Variants in P3H2 observed in about 807,000 individuals in gnomAD.
P3H2 encodes leprecan-like 1.
In P3H2, 80 loss-of-function variants were observed where a neutral mutation model predicts 87.0. The ratio of observed to expected loss-of-function variants is 0.92; its 90% CI spans 0.77 to 1.11. P3H2 has a LOEUF of 1.11. Ranked by LOEUF, P3H2 falls within the 50% of genes least tolerant of loss-of-function variation. The pLI, the probability that P3H2 is intolerant of heterozygous loss-of-function variation, is 0.00. For synonymous variants in P3H2, 367 were observed against 359.3 expected (o/e 1.02, Z -0.24); for missense variants, 1,001 against 923.9 (o/e 1.08, Z -1.08).
At chr3:190,069,043 G>A (rs1290639009) in intron 1 of P3H2, among the ~76,000 whole-genome samples, 3 of 152,010 alleles carry the variant, frequency 2.0e-5, no homozygotes, top group Admixed American at 6.6e-5. Flanking sequence ...TTTCACAGGC[G>A]GCACCTTAGC....
chr3:189,963,156 G>A (rs837682), intron 14 of P3H2, among the ~76,000 whole-genome samples: 4 of 152,100 alleles, frequency 2.6e-5, no homozygotes, highest in East Asian at 3.9e-4. Context: ...AATTCATACC[G>A]CTGCAGCTCC....
At position 190,101,106 on chromosome 3, in the gene P3H2, G is replaced by A. The variant is rs571182561; in HGVS notation, c.480+19146C>T. On this transcript the variant is annotated intron_variant, in intron 1 of 14. Coordinates refer to ENST00000319332, the MANE Select transcript of P3H2 (RefSeq NM_018192.4). ...GGCAAACTTAATAGAAAAATGTTGT[G>A]TGTGTTCTGATGGCTTCATCAACTC... Among the ~76,000 whole-genome samples, 3 of 151,988 alleles carry A rather than the reference G, an allele frequency of 2.0e-5. No individual in the cohort carries two copies. The East Asian group carries it at 5.8e-4, about 29-fold the overall frequency.
At position 189,988,672 on chromosome 3, in the gene P3H2, G is replaced by A. The variant is rs1169315432; in HGVS notation, c.955+235C>T. ...TTAAGTCTAAAAAACCATGCAAAAT[G>A]TCAATCTAGTATAATTTTCAGTAAA... On this transcript the variant is annotated intron_variant, in intron 4 of 14. Coordinates refer to ENST00000319332, the MANE Select transcript of P3H2 (RefSeq NM_018192.4). 2.0e-5 allele frequency among the ~76,000 whole-genome samples: 3 copies of A among 152,128 alleles called. No individual in the cohort carries two copies. The East Asian group carries it at 5.8e-4, about 29-fold the overall frequency.
At chr3:190,069,863 G>A (rs985732918) in intron 1 of P3H2, among the ~76,000 whole-genome samples, 1 of 152,108 alleles carries the variant, frequency 6.6e-6, no homozygotes, top group African/African-American at 2.4e-5. Flanking sequence ...TCAGAGCAGT[G>A]GTGTAGATGG....
chr3:189,990,174 G>C (rs1285319777), intron 3 of P3H2, among the ~76,000 whole-genome samples: 1 of 152,054 alleles, frequency 6.6e-6, no homozygotes, highest in African/African-American at 2.4e-5. Context: ...TGGTGTGGGG[G>C]AATGTGCCAG....
intron 1 of P3H2, among the ~76,000 whole-genome samples, chr3:190,091,453 C>T (rs1054920007): frequency 6.6e-6 from 1 of 152,208 alleles, no homozygotes. Context: ...TAGGATGCCC[C>T]TATTTCCCAT....
Position 189,969,277 on chromosome 3 carries a change from G to T in P3H2, c.1893+1539C>A, listed in dbSNP as rs1723099686. 20 of 874,862 alleles carry T rather than the reference G, an allele frequency of 2.3e-5. No individual in the cohort carries two copies. The South Asian group carries it at 2.6e-4, about 11-fold the overall frequency. The allele number at this position is 874,862 out of a possible 1,614,324, so 54.2% of individuals were successfully genotyped here. The stretch of plus-strand genomic sequence containing the variant: ...AGTGAGAACCACCTCTGGAACTGTG[G>T]TCATGTTGATAACATCCACCCCCCA... On this transcript the variant is annotated intron_variant, in intron 13 of 14. Transcript: ENST00000319332.
In P3H2 at chr3:189,964,086, G is replaced by A. The variant is rs780622871; in HGVS notation, c.1906C>T (p.Pro636Ser). The change falls in exon 14 of 15, where the codon CCA becomes TCA. Residue 636 changes from proline (P) to serine (S), a missense_variant. Transcript: ENST00000319332. The stretch of plus-strand genomic sequence containing the variant: ...AAGCTGATCATGCGCCCACATTTTG[G>A]TTTTATAGAGGCCTGAGAAAGAAAG... ...DAKTVTASIK[P>S]KCGRMISFSS... The A allele has an allele frequency of 9.2e-5, 148 of 1,613,980 alleles. No homozygotes were observed. Among genetic ancestry groups the A allele is most frequent in the Non-Finnish European group, 1.2e-4 (139 of 1,180,006 alleles).
rs73890152 is a variant in P3H2, at chr3:190,008,352, C to A, written c.481-12910G>T. On this transcript the variant is annotated intron_variant, in intron 1 of 14. Transcript: ENST00000319332. ...AATGTATCTCTCCAAAAGTCGGTGG[C>A]AGACATCAGTTTCTCCATGCCACCC... 1.3e-3 allele frequency among the ~76,000 whole-genome samples: 201 copies of A among 152,190 alleles called. 1 individual carries two copies. Among genetic ancestry groups the A allele is most frequent in the African/African-American group, 4.7e-3 (195 of 41,510 alleles).
At chr3:189,981,263 C>A (rs1242792570) in intron 8 of P3H2, among the ~76,000 whole-genome samples, 5 of 152,182 alleles carry the variant, frequency 3.3e-5, no homozygotes, top group Non-Finnish European at 5.9e-5. Flanking sequence ...GTATAGGTAA[C>A]AACTTATACT....
At chr3:190,106,319 A>G (rs1247741472) in intron 1 of P3H2, among the ~76,000 whole-genome samples, 1 of 152,146 alleles carries the variant, frequency 6.6e-6, no homozygotes, top group Non-Finnish European at 1.5e-5. Context: ...TTGATGGTGG[A>G]GAGGCAGGTA....
At chr3:190,120,184 C>A in intron 1 of P3H2, 68 bp downstream of exon 1, 1 of 1,548,382 alleles carries the variant, frequency 6.5e-7, no homozygotes, top group Non-Finnish European at 8.8e-7. Flanking sequence ...ACGGGGGCAG[C>A]AGGGAGGGCT....
At chr3:190,027,271 A>C (rs1203458111) in intron 1 of P3H2, among the ~76,000 whole-genome samples, 1 of 152,236 alleles carries the variant, frequency 6.6e-6, no homozygotes, top group Non-Finnish European at 1.5e-5. Context: ...ACCACCCAAC[A>C]GATAATACTA....
chr3:190,058,252 T>C (rs757391001), intron 1 of P3H2, among the ~76,000 whole-genome samples: 25 of 152,172 alleles, frequency 1.6e-4, no homozygotes, highest in Non-Finnish European at 3.2e-4. Flanking sequence ...TAGTTCTTTT[T>C]CAGTAAGATG....
chr3:189,962,217 A>G (rs1204402925), intron 14 of P3H2, among the ~76,000 whole-genome samples: 1 of 123,524 alleles, frequency 8.1e-6, no homozygotes, highest in Non-Finnish European at 1.6e-5. Flanking sequence ...CGCCCAGGTT[A>G]CAGTGTGGTG....
chr3:189,969,702 C>G, intron 13 of P3H2: 1 of 1,398,190 alleles, frequency 7.2e-7, no homozygotes, highest in South Asian at 1.2e-5. Flanking sequence ...AGGACACAAT[C>G]AACATTTTTT....
chr3:189,984,487 A>G (rs1431746107), intron 7 of P3H2, 63 bp downstream of exon 7: 9 of 1,153,560 alleles, frequency 7.8e-6, no homozygotes, highest in Non-Finnish European at 1.2e-5. Context: ...TTTCTCTATG[A>G]TAGGTTATGA....
chr3:190,112,949 G>C (rs371812888), intron 1 of P3H2, among the ~76,000 whole-genome samples: 91 of 152,210 alleles, frequency 6.0e-4, no homozygotes, highest in African/African-American at 1.9e-3. Flanking sequence ...AAGACAGGAG[G>C]AATTATTTTT....
rs747116644 is a variant in P3H2, at chr3:189,957,862, A to G, written c.*50T>C. 1 of 1,308,986 alleles carries G rather than the reference A, an allele frequency of 7.6e-7. No homozygotes were observed. The highest frequency in any genetic ancestry group is 1.1e-6 in the Non-Finnish European group (1 of 906,558). The allele number at this position is 1,308,986 out of a possible 1,614,324, so 81.1% of individuals were successfully genotyped here. ...TCTGTACAAAAATAAAAAGGTTCTC[A>G]TAAGATTAACAATTTAAATAAATAT... On this transcript the variant is annotated 3_prime_UTR_variant, in exon 15 of 15. Coordinates refer to ENST00000319332, the MANE Select transcript of P3H2 (RefSeq NM_018192.4).
Sources: allele counts gnomAD v4.1 joint callset (sites outside exome capture counted in the v4.1 genomes callset), GRCh38; gene constraint gnomAD v4.1.1; transcripts MANE v1.5; gene names NCBI Gene and HGNC (gene_info 2026-07-23, HGNC 2026-07-21).